The following CHD7 variants were observed in gnomAD, a reference collection of about 807,000 sequenced individuals.
CHD7 encodes the protein chromodomain helicase DNA binding protein 7, also known as ATP-dependent chromatin remodeler CHD7.
A neutral mutation model predicts 307.3 loss-of-function variants in CHD7; 24 were observed. The ratio of observed to expected loss-of-function variants is 0.08; its 90% CI spans 0.06 to 0.11. The LOEUF (loss-of-function observed/expected upper bound fraction) is 0.11, where lower values mean the gene tolerates loss of function less well. Ranked by LOEUF, CHD7 falls within the 10% of genes least tolerant of loss-of-function variation. The pLI is 1.00. For synonymous variants in CHD7, 1,363 were observed against 1,349.9 expected (o/e 1.01, Z -0.21); for missense variants, 3,106 against 3,727.1 (o/e 0.83, Z 4.34).
rs542815159 is a variant in CHD7, at chr8:60,753,936, A to T, written c.1665+10839A>T. ...CACCGCGCCCTGCTGCAAATCATTA[A>T]ATCAGTTTTAATAAGCTCCCCACGT... On this transcript the variant is annotated intron_variant, in intron 2 of 37. Coordinates refer to ENST00000423902, the MANE Select transcript of CHD7 (RefSeq NM_017780.4). 3.2e-4 allele frequency among the ~76,000 whole-genome samples: 48 copies of T among 152,194 alleles called. 1 individual carries two copies. The South Asian group carries it at 8.7e-3, about 28-fold the overall frequency.
At chr8:60,769,028 G>C (rs930735353) in intron 2 of CHD7, among the ~76,000 whole-genome samples, 1 of 152,152 alleles carries the variant, frequency 6.6e-6, no homozygotes, top group African/African-American at 2.4e-5. Flanking sequence ...AAAGTAATAT[G>C]TTTTCAAAGT....
At position 60,800,498 on chromosome 8, in the gene CHD7, C is replaced by T. The variant is rs1454638533; in HGVS notation, c.2349C>T (p.Pro783=). 8.7e-6 allele frequency: 14 copies of T among 1,613,642 alleles called. No homozygotes were observed. Among genetic ancestry groups the T allele is most frequent in the Non-Finnish European group, 1.1e-5 (13 of 1,179,790 alleles). Residue 783 remains proline (P), a synonymous_variant, in exon 5 of 38, where the codon CCC becomes CCT. Transcript: ENST00000423902. Reference sequence around the variant, plus strand: ...CAGATGCTGCTGGGAGGGATTCCCCCTCCAACACCTCCCAGTCAGAACAGC... The same window carrying T: ...CAGATGCTGCTGGGAGGGATTCCCCTTCCAACACCTCCCAGTCAGAACAGC... ...DDADAAGRDS[P]SNTSQSEQQE...
rs768935496 is a variant in CHD7, at chr8:60,865,776, C to G, written c.8837C>G (p.Pro2946Arg). ...EKAADKAEGG[P>R]FKDGETLEGS... ...GCTGCTGACAAGGCTGAGGGAGGAC[C>G]CTTTAAAGATGGAGAGACCCTTGAA... is the stretch of plus-strand genomic sequence containing the variant. Residue 2946 changes from proline (P) to arginine (R), a missense_variant, in exon 38 of 38, where the codon CCC (proline) becomes CGC (arginine). Pro to Arg is a moderately radical substitution (Grantham distance 103, BLOSUM62 -2). Around this residue, in one of 10 missense-constraint regions of CHD7, gnomAD observed 351 missense variants for 366.2 expected, o/e 0.96. Transcript: ENST00000423902. The surrounding 1 kb of genome is among the most constrained non-coding windows in gnomAD (Gnocchi z 4.3). 5.6e-6 allele frequency: 9 copies of G among 1,613,852 alleles called. No individual in the cohort carries two copies. The highest frequency in any genetic ancestry group is 6.8e-6 in the Non-Finnish European group (8 of 1,179,888).
rs1812250218 is a variant in CHD7, at chr8:60,800,476, A to G, written c.2327A>G (p.Asp776Gly). 2 of 1,613,832 alleles carry G rather than the reference A, an allele frequency of 1.2e-6. No homozygotes were observed. The highest frequency in any genetic ancestry group is 1.3e-5 in the African/African-American group (1 of 74,934). ...TCTGATGAGGAGGCAGATGATGCAGATGCTGCTGGGAGGGATTCCCCCTCC... is the reference window on the plus strand; with the variant it reads ...TCTGATGAGGAGGCAGATGATGCAGGTGCTGCTGGGAGGGATTCCCCCTCC... ...KISDEEADDA[D>G]AAGRDSPSNT... Residue 776 changes from aspartate (D) to glycine (G), a missense_variant, in exon 5 of 38, where the codon GAT becomes GGT. Asp to Gly is a moderately conservative substitution (Grantham distance 94). Coordinates refer to ENST00000423902, the MANE Select transcript of CHD7 (RefSeq NM_017780.4).
At chr8:60,692,081 G>T (rs769152935) in intron 1 of CHD7, among the ~76,000 whole-genome samples, 2 of 152,134 alleles carry the variant, frequency 1.3e-5, no homozygotes, top group Non-Finnish European at 2.9e-5. Context: ...TGCAATGAAT[G>T]TACTTTGGAA....
rs377749847 is a variant in CHD7, at chr8:60,696,448, A to C, written c.-175+17366A>C. On this transcript the variant is annotated intron_variant, in intron 1 of 37. Coordinates refer to ENST00000423902, the MANE Select transcript of CHD7 (RefSeq NM_017780.4). The stretch of plus-strand genomic sequence containing the variant: ...CTAACTCCATGACCACAGGCCAATT[A>C]CTTAATTGATCTAAGACGCAGTTTC... Among the ~76,000 whole-genome samples the C allele has an allele frequency of 1.6e-3, 250 of 152,242 alleles. 4 individuals carry two copies. The highest frequency in any genetic ancestry group is 5.7e-3 in the African/African-American group (236 of 41,536).
chr8:60,737,177 A>G (rs1475413584), intron 1 of CHD7, among the ~76,000 whole-genome samples: 2 of 152,162 alleles, frequency 1.3e-5, no homozygotes, highest in Admixed American at 1.3e-4. Context: ...ATTTCCCAAT[A>G]AAATTTACCA....
intron 3 of CHD7, among the ~76,000 whole-genome samples, chr8:60,784,351 T>A (rs1393962166): frequency 6.6e-6 from 1 of 152,162 alleles, no homozygotes; most frequent in Non-Finnish European, 1.5e-5. Context: ...TACAGAGAGC[T>A]AAAATAGAGG....
intron 1 of CHD7, among the ~76,000 whole-genome samples, chr8:60,715,470 C>A (rs1193000216): frequency 6.6e-6 from 1 of 152,106 alleles, no homozygotes; most frequent in Non-Finnish European, 1.5e-5. Context: ...CAGGCACCTG[C>A]CACCACGCCC....
At chr8:60,691,548 T>A (rs1806195811) in intron 1 of CHD7, among the ~76,000 whole-genome samples, 1 of 152,230 alleles carries the variant, frequency 6.6e-6, no homozygotes, top group East Asian at 1.9e-4. Context: ...TCCATTATCC[T>A]CCAGGCAGAA....
chr8:60,844,141 C>T (rs995732171), intron 21 of CHD7, among the ~76,000 whole-genome samples: 1 of 152,204 alleles, frequency 6.6e-6, no homozygotes, highest in African/African-American at 2.4e-5. Context: ...TGGTCTTACT[C>T]CATAGCTCCC....
chr8:60,846,716 C>T (rs895421709), intron 23 of CHD7, among the ~76,000 whole-genome samples: 9 of 152,232 alleles, frequency 5.9e-5, no homozygotes, highest in Non-Finnish European at 1.0e-4. Flanking sequence ...GCATGCCAAG[C>T]GCTTTGTATG....
At chr8:60,800,321 T>A (rs1563611648) in intron 4 of CHD7, 67 bp from the exon 5 acceptor site, 4 of 1,535,716 alleles carry the variant, frequency 2.6e-6, no homozygotes, top group Non-Finnish European at 3.5e-6. Flanking sequence ...CGTGAGCCAC[T>A]GCGCTCGGCC....
chr8:60,800,087 G>T (rs1224633797), intron 4 of CHD7, among the ~76,000 whole-genome samples: 2 of 151,402 alleles, frequency 1.3e-5, no homozygotes, highest in Non-Finnish European at 2.9e-5. Flanking sequence ...CTGCAGTGCA[G>T]TGGCGAAATC....
intron 5 of CHD7, 110 bp from the exon 6 acceptor site, chr8:60,801,418 C>T (rs1471489652): frequency 1.9e-5 from 14 of 747,870 alleles, no homozygotes; most frequent in Admixed American, 4.8e-5. Context: ...ACTTTGTACC[C>T]AGTGACTTAA....
intron 2 of CHD7, among the ~76,000 whole-genome samples, chr8:60,777,975 A>G (rs1327450939): frequency 1.3e-5 from 2 of 152,202 alleles, no homozygotes; most frequent in Non-Finnish European, 2.9e-5. Context: ...GGAATGCCCT[A>G]CATGGTAATA....
chr8:60,731,619 C>A (rs1808461824), intron 1 of CHD7, among the ~76,000 whole-genome samples: 1 of 152,198 alleles, frequency 6.6e-6, no homozygotes, highest in Admixed American at 6.5e-5. Context: ...ACTGTTAACT[C>A]TGTATTTCAG....
intron 3 of CHD7, among the ~76,000 whole-genome samples, chr8:60,782,139 T>C (rs1209807196): frequency 6.6e-6 from 1 of 152,226 alleles, no homozygotes; most frequent in East Asian, 1.9e-4. Flanking sequence ...CTTACAACTG[T>C]TCTGAACCAG....
rs193173325 is a variant in CHD7 at position 60,841,114 on chromosome 8, G to A, written c.4534-530G>A. Among the ~76,000 whole-genome samples, 63 of 152,208 alleles carry A rather than the reference G, an allele frequency of 4.1e-4. No individual in the cohort carries two copies. The East Asian group carries it at 9.1e-3, about 22-fold the overall frequency. On this transcript the variant is annotated intron_variant, in intron 19 of 37. Transcript: ENST00000423902. Reference sequence around the variant, plus strand: ...TTCAAATAGTTCCTGGTTCCTTCGGGATAGAGTTCAAACTCTGTTAACTCT... The same window carrying A: ...TTCAAATAGTTCCTGGTTCCTTCGGAATAGAGTTCAAACTCTGTTAACTCT...
Sources: allele counts gnomAD v4.1 joint callset (sites outside exome capture counted in the v4.1 genomes callset), GRCh38; gene constraint gnomAD v4.1.1; regional missense constraint gnomAD v4.1.1; non-coding constraint Gnocchi (gnomAD v3.1); transcripts MANE v1.5; gene names NCBI Gene and HGNC (gene_info 2026-07-23, HGNC 2026-07-21).